SMURF2: variants seen among roughly 807,000 people sequenced by gnomAD.
SMURF2 encodes the protein SMAD specific E3 ubiquitin protein ligase 2.
In SMURF2, 48 loss-of-function variants were observed where a neutral mutation model predicts 109.6. The ratio of observed to expected loss-of-function variants is 0.44; its 90% CI spans 0.35 to 0.56. SMURF2 has a LOEUF of 0.56. Among genes scored for constraint, SMURF2 ranks in the 20% least tolerant of loss-of-function variants. The pLI is 0.01. For missense variants in SMURF2, 575 were observed against 909.0 expected (o/e 0.63, Z 4.72); for synonymous variants, 288 against 317.1 (o/e 0.91, Z 0.97).
intron 1 of SMURF2, among the ~76,000 whole-genome samples, chr17:64,650,057 T>C (rs1308972308): frequency 1.3e-5 from 2 of 152,192 alleles, no homozygotes; most frequent in Non-Finnish European, 2.9e-5. Context: ...TACCTGCTCT[T>C]ATAAAATATA....
In SMURF2 at chr17:64,661,898, CG is replaced by C; in HGVS notation, c.-19del. ...TTAGACATGTCCCCGGCGGCGGGGG[CG>C]GCGGGGGCGGCGGGCGGCACGGGGG... On this transcript the variant is annotated 5_prime_UTR_variant, in exon 1 of 19. Coordinates refer to ENST00000262435, the MANE Select transcript of SMURF2 (RefSeq NM_022739.4). The C allele has an allele frequency of 1.7e-6, 2 of 1,183,438 alleles. No individual in the cohort carries two copies. Among genetic ancestry groups the C allele is most frequent in the Non-Finnish European group, 2.1e-6 (2 of 957,350 alleles). The allele number at this position is 1,183,438 out of a possible 1,614,324, so 73.3% of individuals were successfully genotyped here.
chr17:64,557,641 T>C lies in SMURF2; in HGVS notation c.1398A>G (p.Thr466=), dbSNP rs147790846. ...CTGCAGAATCAGGATTGATCTGCAA[T>C]GTATAAATATCATCTCTTGAATACT... The part of the protein sequence containing the change: ...LFQYSRDDIY[T]LQINPDSAVN... Residue 466 remains threonine (T), a synonymous_variant, in exon 13 of 19, where the codon ACA becomes ACG. Coordinates refer to ENST00000262435, the MANE Select transcript of SMURF2 (RefSeq NM_022739.4). 1.1e-4 allele frequency: 182 copies of C among 1,610,336 alleles called. 1 individual carries two copies. In the African/African-American group the frequency reaches 1.9e-3, roughly 17 times the overall value.
chr17:64,610,973 A>G (rs191689268), intron 1 of SMURF2, among the ~76,000 whole-genome samples: 15 of 151,750 alleles, frequency 9.9e-5, no homozygotes, highest in Admixed American at 2.6e-4. Flanking sequence ...ACTGCTGACT[A>G]CTCCCTCTTC....
intron 1 of SMURF2, among the ~76,000 whole-genome samples, chr17:64,617,796 C>G (rs1432582800): frequency 6.6e-6 from 1 of 152,150 alleles, no homozygotes; most frequent in African/African-American, 2.4e-5. Flanking sequence ...AATGACCTTT[C>G]TAGTCCACTC....
intron 2 of SMURF2, among the ~76,000 whole-genome samples, chr17:64,604,920 G>A (rs191820931): frequency 4.7e-4 from 71 of 151,936 alleles, no homozygotes; most frequent in African/African-American, 1.7e-3. Flanking sequence ...CTCCAGCCTG[G>A]GCAACAGAGT....
chr17:64,549,871 A>G (rs1241304911), intron 16 of SMURF2, among the ~76,000 whole-genome samples: 1 of 152,232 alleles, frequency 6.6e-6, no homozygotes, highest in Non-Finnish European at 1.5e-5. Context: ...TAAGGCTTCT[A>G]TGGGGTTCTG....
At chr17:64,557,541 A>G (rs1969140104) in intron 13 of SMURF2, 67 bp downstream of exon 13, 2 of 1,036,156 alleles carry the variant, frequency 1.9e-6, no homozygotes, top group Non-Finnish European at 2.9e-6. Context: ...TATATAATAA[A>G]CTACATTAAC....
chr17:64,573,640 A>G (rs1321775103), intron 9 of SMURF2, among the ~76,000 whole-genome samples: 1 of 152,114 alleles, frequency 6.6e-6, no homozygotes, highest in African/African-American at 2.4e-5. Context: ...GACTGAGTAA[A>G]GATGGTACCT....
intron 6 of SMURF2, 70 bp downstream of exon 6, chr17:64,586,016 C>A: frequency 2.1e-6 from 2 of 959,752 alleles, no homozygotes; most frequent in South Asian, 1.8e-5. Flanking sequence ...CAATAAACAC[C>A]CACTTATTTC....
intron 16 of SMURF2, among the ~76,000 whole-genome samples, chr17:64,549,839 C>A (rs1050229036): frequency 6.6e-6 from 1 of 152,116 alleles, no homozygotes; most frequent in Non-Finnish European, 1.5e-5. Context: ...AAAATCCTAA[C>A]CCTACCAAAT....
chr17:64,552,529 T>C (rs115867969), intron 15 of SMURF2, among the ~76,000 whole-genome samples: 4,095 of 152,300 alleles, frequency 0.027, 184 homozygotes, highest in African/African-American at 0.093. Context: ...ACTGTGTAAC[T>C]GTAAAAGTTT....
intron 7 of SMURF2, among the ~76,000 whole-genome samples, chr17:64,582,099 A>G (rs1969586040): frequency 6.6e-6 from 1 of 152,204 alleles, no homozygotes; most frequent in Non-Finnish European, 1.5e-5. Flanking sequence ...ACAAGTACAT[A>G]TTCATTTGTG....
At chr17:64,610,778 C>T (rs1970033521) in intron 1 of SMURF2, among the ~76,000 whole-genome samples, 2 of 152,124 alleles carry the variant, frequency 1.3e-5, no homozygotes, top group South Asian at 4.1e-4. Flanking sequence ...TTAAAAAGAA[C>T]TGCCTACACT....
intron 1 of SMURF2, among the ~76,000 whole-genome samples, chr17:64,614,196 T>C (rs1377947133): frequency 2.0e-5 from 3 of 152,176 alleles, no homozygotes; most frequent in African/African-American, 7.2e-5. Flanking sequence ...CAATCAGTAT[T>C]TCAATATCTT....
intron 9 of SMURF2, among the ~76,000 whole-genome samples, chr17:64,573,853 T>G (rs1245415685): frequency 6.6e-6 from 1 of 152,200 alleles, no homozygotes; most frequent in African/African-American, 2.4e-5. Flanking sequence ...TGGAGGACAT[T>G]ATCCTTAGCA....
At chr17:64,607,996 C>CATAAATAAATAAATAAATAAATAA (rs55747507) in intron 1 of SMURF2, among the ~76,000 whole-genome samples, 5 of 135,642 alleles carry the variant, frequency 3.7e-5, no homozygotes, top group East Asian at 2.1e-4. Context: ...AAGACTCTGT[C>CATAAATAAATAAATAAATAAATAA]ATAAATAAAT....
rs891052640 is a variant in SMURF2 at position 64,577,073 on chromosome 17, A to G, written c.857+1419T>C. 5.9e-5 allele frequency among the ~76,000 whole-genome samples: 9 copies of G among 151,834 alleles called. 1 individual carries two copies. The highest frequency in any genetic ancestry group is 5.2e-4 in the Admixed American group (8 of 15,264). On this transcript the variant is annotated intron_variant, in intron 9 of 18. Transcript: ENST00000262435. ...ATCCCATTACTGGGTATATACCCAAACGATTATAAATCATGCTGCTATAAA... is the reference window on the plus strand; with the variant it reads ...ATCCCATTACTGGGTATATACCCAAGCGATTATAAATCATGCTGCTATAAA...
rs1969216907 is a variant in SMURF2, at chr17:64,561,459, A to G, written c.1316+41T>C. ...CAGGAAGTAGCTTAAATTTGTAAGT[A>G]CAAAGATCCATATGTCATAAGCTGG... On this transcript the variant is annotated intron_variant, in intron 12 of 18. Transcript: ENST00000262435. The G allele has an allele frequency of 1.3e-5, 18 of 1,351,194 alleles. No homozygotes were observed. The East Asian group carries it at 4.1e-4, about 31-fold the overall frequency. The allele number at this position is 1,351,194 out of a possible 1,614,324, so 83.7% of individuals were successfully genotyped here. A position where few individuals can be genotyped will look rare whatever the true frequency, so the allele number is the denominator to read the frequency against.
At chr17:64,548,390 ATAAT>A (rs1290388778) in intron 16 of SMURF2, among the ~76,000 whole-genome samples, 2 of 151,962 alleles carry the variant, frequency 1.3e-5, no homozygotes, top group African/African-American at 4.8e-5. Flanking sequence ...AATTTGCTTA[ATAAT>A]TTTTTTTTTT....
Sources: gnomAD v4.1 joint callset for allele counts (sites outside exome capture counted in the v4.1 genomes callset) on GRCh38, gnomAD v4.1.1 for gene constraint, MANE v1.5 for transcripts, NCBI Gene and HGNC (gene_info 2026-07-23, HGNC 2026-07-21) for gene names.